The following SLCO6A1 variants were observed in gnomAD, a reference collection of about 807,000 sequenced individuals.
SLCO6A1 encodes the protein solute carrier organic anion transporter family member 6A1, also known as cancer/testis antigen 48.
Under a neutral mutation model 72.7 loss-of-function variants are expected in SLCO6A1, and 65 were observed. The observed-to-expected ratio is 0.89, with a 90% CI of 0.73 to 1.10. The LOEUF (loss-of-function observed/expected upper bound fraction) is 1.10, where lower values mean the gene tolerates loss of function less well. SLCO6A1 is among the 50% of genes least tolerant of loss of function. The pLI is 0.00. For synonymous variants in SLCO6A1, 314 were observed against 298.2 expected, an observed-to-expected ratio of 1.05 and a Z score of -0.55; for missense variants, 874 against 872.6, an observed-to-expected ratio of 1.00 and a Z score of -0.02.
rs895694757 is a variant in SLCO6A1, at chr5:102,392,764, A to T, written c.1815-1719T>A. Among the ~76,000 whole-genome samples the T allele has an allele frequency of 3.4e-5, 5 of 145,114 alleles. No individual in the cohort carries two copies. The East Asian group carries it at 9.8e-4, about 28-fold the overall frequency. Reference sequence around the variant, plus strand: ...TTAAGAATTTCATGAAATAAACAACAAAAAAAAAACTTGTCAATACTCTCC... The same window carrying T: ...TTAAGAATTTCATGAAATAAACAACTAAAAAAAAACTTGTCAATACTCTCC... On this transcript the variant is annotated intron_variant, in intron 10 of 13. Transcript: ENST00000506729.
At chr5:102,457,876 T>G (rs10077911) in intron 6 of SLCO6A1, among the ~76,000 whole-genome samples, 98,377 of 151,954 alleles carry the variant, frequency 0.65, 32,047 homozygotes, top group African/African-American at 0.67. Flanking sequence ...TGATAGACTG[T>G]ATTAAGAAAA....
At chr5:102,463,837 G>C (rs1751167795) in intron 4 of SLCO6A1, among the ~76,000 whole-genome samples, 1 of 149,992 alleles carries the variant, frequency 6.7e-6, no homozygotes, top group Non-Finnish European at 1.5e-5. Flanking sequence ...AGTGAGTCGA[G>C]ATTGCGCCAT....
At chr5:102,432,491 T>C (rs1384949547) in intron 7 of SLCO6A1, among the ~76,000 whole-genome samples, 1 of 152,228 alleles carries the variant, frequency 6.6e-6, no homozygotes. Context: ...ACTTCACTTA[T>C]GAAGCTTAGT....
chr5:102,449,947 A>G (rs1750326738), intron 6 of SLCO6A1, among the ~76,000 whole-genome samples: 1 of 152,196 alleles, frequency 6.6e-6, no homozygotes, highest in East Asian at 1.9e-4. Flanking sequence ...CAATTATGTC[A>G]TGAAATTCTT....
intron 1 of SLCO6A1, among the ~76,000 whole-genome samples, chr5:102,491,317 A>C (rs1349891298): frequency 6.6e-6 from 1 of 152,276 alleles, no homozygotes; most frequent in Non-Finnish European, 1.5e-5. Context: ...TCAGGAGCCC[A>C]GATGGCTTCA....
At chr5:102,387,783 A>G (rs1746497954) in intron 12 of SLCO6A1, among the ~76,000 whole-genome samples, 1 of 152,176 alleles carries the variant, frequency 6.6e-6, no homozygotes, top group Non-Finnish European at 1.5e-5. Context: ...CATAATATAC[A>G]ATAAAATCAT....
At chr5:102,496,293 T>G (rs1276108335) in intron 1 of SLCO6A1, among the ~76,000 whole-genome samples, 1 of 152,230 alleles carries the variant, frequency 6.6e-6, no homozygotes, top group African/African-American at 2.4e-5. Flanking sequence ...TTGTACTGCC[T>G]TTGTATCCCT....
At chr5:102,441,056 C>T (rs1323215915) in intron 6 of SLCO6A1, among the ~76,000 whole-genome samples, 1 of 151,984 alleles carries the variant, frequency 6.6e-6, no homozygotes, top group African/African-American at 2.4e-5. Flanking sequence ...TATCTGTCAC[C>T]CATCTATTAT....
intron 8 of SLCO6A1, among the ~76,000 whole-genome samples, chr5:102,418,548 T>G (rs1335931289): frequency 6.6e-6 from 1 of 152,184 alleles, no homozygotes; most frequent in African/African-American, 2.4e-5. Context: ...GTTGGATAAT[T>G]ATTGCTACTG....
chr5:102,377,901 T>C (rs1189827144), intron 12 of SLCO6A1, among the ~76,000 whole-genome samples: 214 of 18,960 alleles, frequency 0.011, no homozygotes, highest in African/African-American at 0.043. Flanking sequence ...CTTAAACTCT[T>C]TTTTTTTTTT....
At chr5:102,468,640 A>C (rs1048262461) in intron 4 of SLCO6A1, among the ~76,000 whole-genome samples, 1 of 152,040 alleles carries the variant, frequency 6.6e-6, no homozygotes, top group African/African-American at 2.4e-5. Flanking sequence ...GTCTGATATA[A>C]GAATAGCTAC....
chr5:102,478,649 C>T (rs1001203197), intron 2 of SLCO6A1, among the ~76,000 whole-genome samples: 3 of 152,032 alleles, frequency 2.0e-5, no homozygotes, highest in Non-Finnish European at 2.9e-5. Flanking sequence ...GGTTATATAA[C>T]AATATTAAGT....
chr5:102,475,330 T>A (rs2112812726), intron 4 of SLCO6A1, among the ~76,000 whole-genome samples: 1 of 152,152 alleles, frequency 6.6e-6, no homozygotes, highest in South Asian at 2.1e-4. Context: ...TAAAGTGAAA[T>A]AAGCCAATCA....
At position 102,480,877 on chromosome 5, in the gene SLCO6A1, A is replaced by C. The variant is rs146119919; in HGVS notation, c.359-443T>G. The stretch of plus-strand genomic sequence containing the variant: ...GTTTGTCTCCCTCCCCTCCATAATC[A>C]GCATCCTGTATTTAAAGTTTACCAG... On this transcript the variant is annotated intron_variant, in intron 1 of 13. Coordinates refer to ENST00000506729, the MANE Select transcript of SLCO6A1 (RefSeq NM_173488.5). 2.1e-3 allele frequency among the ~76,000 whole-genome samples: 314 copies of C among 152,314 alleles called. 2 individuals carry two copies. Among genetic ancestry groups the C allele is most frequent in the African/African-American group, 7.2e-3 (298 of 41,572 alleles).
intron 5 of SLCO6A1, among the ~76,000 whole-genome samples, chr5:102,459,179 G>A (rs963166554): frequency 6.6e-6 from 1 of 152,126 alleles, no homozygotes; most frequent in African/African-American, 2.4e-5. Context: ...TGAAGCTAAG[G>A]TGGAAGGATA....
At chr5:102,393,551 T>A (rs940455793) in intron 10 of SLCO6A1, among the ~76,000 whole-genome samples, 16 of 152,308 alleles carry the variant, frequency 1.1e-4, no homozygotes, top group African/African-American at 3.8e-4. Flanking sequence ...TAGACTATCA[T>A]GTAATTTTCT....
At chr5:102,491,168 T>C (rs953675932) in intron 1 of SLCO6A1, among the ~76,000 whole-genome samples, 2 of 152,124 alleles carry the variant, frequency 1.3e-5, no homozygotes, top group Admixed American at 6.5e-5. Context: ...AGAGTGTCCA[T>C]TGGTGCATTC....
intron 4 of SLCO6A1, among the ~76,000 whole-genome samples, chr5:102,471,369 T>A (rs1751601778): frequency 6.6e-6 from 1 of 152,094 alleles, no homozygotes. Context: ...GTGAACAACC[T>A]TAATACAGGA....
rs560929804 is a variant in SLCO6A1, at chr5:102,470,622, A to AT, written c.899+5074dup. On this transcript the variant is annotated intron_variant, in intron 4 of 13. Transcript: ENST00000506729. Reference sequence around the variant, plus strand: ...AAAAAACCAGCTCCTGGATTCATTGATTTTTTGAAGGGTTTTTTGTCTCAT... The same window carrying AT: ...AAAAAACCAGCTCCTGGATTCATTGATTTTTTTGAAGGGTTTTTTGTCTCAT... Among the ~76,000 whole-genome samples, 322 of 151,868 alleles carry AT rather than the reference A, an allele frequency of 2.1e-3. 3 individuals carry two copies. The highest frequency in any genetic ancestry group is 7.3e-3 in the African/African-American group (301 of 41,410).
Sources: allele counts gnomAD v4.1 joint callset (sites outside exome capture counted in the v4.1 genomes callset), GRCh38; gene constraint gnomAD v4.1.1; transcripts MANE v1.5; gene names NCBI Gene and HGNC (gene_info 2026-07-23, HGNC 2026-07-21).